TAFA1: variants seen among roughly 807,000 people sequenced by gnomAD.
TAFA1 encodes the protein chemokine-like protein TAFA-1.
TAFA1 carries 4 observed loss-of-function variants against 18.5 expected under a neutral mutation model. That is an observed-to-expected ratio of 0.22 (90% CI 0.11 to 0.49). The LOEUF (loss-of-function observed/expected upper bound fraction) is 0.49, where lower values mean the gene tolerates loss of function less well. Among genes scored for constraint, TAFA1 ranks in the 20% least tolerant of loss-of-function variants. TAFA1 has a pLI of 0.98. For synonymous variants in TAFA1, 56 were observed against 55.2 expected, an observed-to-expected ratio of 1.01 and a Z score of -0.06; for missense variants, 147 against 169.0, an observed-to-expected ratio of 0.87 and a Z score of 0.72.
chr3:67,995,855 C>G, the TAFA1 span, among the ~76,000 whole-genome samples: 1 of 152,196 alleles, frequency 6.6e-6, no homozygotes, highest in Non-Finnish European at 1.5e-5. Flanking sequence ...CCCTGCTCAG[C>G]CCACTGCCAA....
At chr3:68,259,596 A>G (rs1436011138) in intron 2 of TAFA1, among the ~76,000 whole-genome samples, 9 of 152,060 alleles carry the variant, frequency 5.9e-5, no homozygotes, top group South Asian at 2.1e-4. Flanking sequence ...ATTTCTTTGT[A>G]TCCTCTTTTA....
intron 2 of TAFA1, among the ~76,000 whole-genome samples, chr3:68,099,564 C>T (rs182019149): frequency 8.3e-4 from 127 of 152,154 alleles, no homozygotes; most frequent in Non-Finnish European, 1.5e-3. Flanking sequence ...TGAATTTGTT[C>T]AGCCACAGTG....
chr3:68,217,472 T>G (rs2066673485), intron 2 of TAFA1, among the ~76,000 whole-genome samples: 1 of 152,040 alleles, frequency 6.6e-6, no homozygotes, highest in African/African-American at 2.4e-5. Flanking sequence ...GACAGATGGC[T>G]CAATTATCCT....
chr3:68,151,930 G>T (rs762030912), intron 2 of TAFA1, among the ~76,000 whole-genome samples: 1 of 152,134 alleles, frequency 6.6e-6, no homozygotes, highest in Admixed American at 6.5e-5. Context: ...TATCTGAGAA[G>T]CTCATTCATG....
intron 2 of TAFA1, among the ~76,000 whole-genome samples, chr3:68,393,564 AG>A (rs2070307636): frequency 6.6e-6 from 1 of 152,274 alleles, no homozygotes; most frequent in South Asian, 2.1e-4. Context: ...AATGAAAAAA[AG>A]AAAATTTCAG....
intron 2 of TAFA1, among the ~76,000 whole-genome samples, chr3:68,372,721 A>G (rs1365838215): frequency 2.6e-5 from 4 of 152,206 alleles, no homozygotes; most frequent in Non-Finnish European, 5.9e-5. Context: ...CCCACATGCA[A>G]GAAAGTTTGA....
chr3:68,191,346 AG>A (rs1265160198), intron 2 of TAFA1, among the ~76,000 whole-genome samples: 1 of 151,816 alleles, frequency 6.6e-6, no homozygotes, highest in Non-Finnish European at 1.5e-5. Flanking sequence ...CAGGACATGT[AG>A]GACTATTCAG....
chr3:68,358,141 C>T (rs1235669857), intron 2 of TAFA1, among the ~76,000 whole-genome samples: 1 of 151,924 alleles, frequency 6.6e-6, no homozygotes, highest in Non-Finnish European at 1.5e-5. Flanking sequence ...CCCAGAATTA[C>T]TGAAAACAAC....
chr3:68,278,876 A>G (rs2067844952), intron 2 of TAFA1, among the ~76,000 whole-genome samples: 2 of 152,108 alleles, frequency 1.3e-5, no homozygotes, highest in Non-Finnish European at 2.9e-5. Context: ...GCCTATCCAC[A>G]CACCATGGTT....
At chr3:68,154,601 G>T (rs2065844488) in intron 2 of TAFA1, among the ~76,000 whole-genome samples, 1 of 152,194 alleles carries the variant, frequency 6.6e-6, no homozygotes, top group African/African-American at 2.4e-5. Flanking sequence ...CCACATGGGA[G>T]TCCAGAGACC....
intron 3 of TAFA1, among the ~76,000 whole-genome samples, chr3:68,490,323 G>C (rs2072427925): frequency 6.6e-6 from 1 of 152,106 alleles, no homozygotes; most frequent in Non-Finnish European, 1.5e-5. Flanking sequence ...TGGATTTTCA[G>C]GTAGCCATTG....
intron 2 of TAFA1, among the ~76,000 whole-genome samples, chr3:68,337,161 G>A (rs1237370769): frequency 6.6e-6 from 1 of 152,162 alleles, no homozygotes; most frequent in Non-Finnish European, 1.5e-5. Context: ...TTTAAAAAGT[G>A]GTTTAATTGG....
intron 2 of TAFA1, among the ~76,000 whole-genome samples, chr3:68,410,028 G>T (rs914313502): frequency 1.3e-5 from 2 of 152,170 alleles, no homozygotes; most frequent in East Asian, 1.9e-4. Context: ...GATGCATTGA[G>T]CTGGGAAGGA....
intron 2 of TAFA1, among the ~76,000 whole-genome samples, chr3:68,015,417 G>T (rs1159316799): frequency 6.6e-6 from 1 of 151,918 alleles, no homozygotes; most frequent in Non-Finnish European, 1.5e-5. Flanking sequence ...CTCCTGAGTA[G>T]CTGGGACTAC....
chr3:68,312,408 C>A (rs2068535895), intron 2 of TAFA1, among the ~76,000 whole-genome samples: 1 of 152,126 alleles, frequency 6.6e-6, no homozygotes, highest in African/African-American at 2.4e-5. Flanking sequence ...AATCTGAATG[C>A]CTTTAATGGC....
intron 2 of TAFA1, among the ~76,000 whole-genome samples, chr3:68,084,114 A>T (rs2064941671): frequency 6.6e-6 from 1 of 152,160 alleles, no homozygotes; most frequent in African/African-American, 2.4e-5. Context: ...GTGACCAAAC[A>T]CGTGATGTGA....
chr3:68,281,763 G>T (rs2107257899), intron 2 of TAFA1, among the ~76,000 whole-genome samples: 1 of 152,132 alleles, frequency 6.6e-6, no homozygotes, highest in South Asian at 2.1e-4. Flanking sequence ...TGGTCCCATG[G>T]GAAGTTTTTA....
rs535892178 is a variant in TAFA1 at position 68,063,808 on chromosome 3, T to C, written c.118+57064T>C. On this transcript the variant is annotated intron_variant, in intron 2 of 4. Transcript: ENST00000478136. ...TAGTTTTCTTTTTAATCCTTTATTT[T>C]AAAAGGGATGCATAGGCTTCACTGG... is the stretch of plus-strand genomic sequence containing the variant. Among the ~76,000 whole-genome samples the C allele has an allele frequency of 1.6e-4, 24 of 152,322 alleles. No homozygotes were observed. The South Asian group carries it at 5.0e-3, about 32-fold the overall frequency.
At chr3:68,462,895 G>C (rs1277900276) in intron 3 of TAFA1, among the ~76,000 whole-genome samples, 3 of 152,134 alleles carry the variant, frequency 2.0e-5, no homozygotes, top group Non-Finnish European at 2.9e-5. Flanking sequence ...CTTCCTTTTT[G>C]TTGTGAGTGT....
Sources: gnomAD v4.1 joint callset for allele counts (sites outside exome capture counted in the v4.1 genomes callset) on GRCh38, gnomAD v4.1.1 for gene constraint, MANE v1.5 for transcripts, NCBI Gene and HGNC (gene_info 2026-07-23, HGNC 2026-07-21) for gene names.